Variants in TASP1 observed in about 807,000 individuals in gnomAD.
TASP1 encodes the protein taspase 1, also known as threonine aspartase 1.
In TASP1, 16 loss-of-function variants were observed where a neutral mutation model predicts 56.6. The ratio of observed to expected loss-of-function variants is 0.28; its 90% confidence interval spans 0.19 to 0.43. The LOEUF (loss-of-function observed/expected upper bound fraction) is 0.43. Among genes scored for constraint, TASP1 ranks in the 20% least tolerant of loss-of-function variants. The pLI, the probability that TASP1 is intolerant of heterozygous loss-of-function variation, is 1.00. For synonymous variants in TASP1, 179 were observed against 184.2 expected (o/e 0.97, Z 0.23); for missense variants, 393 against 511.6 (o/e 0.77, Z 2.24).
chr20:13,513,279 C>A lies in TASP1; in HGVS notation c.874+15154G>T, dbSNP rs1189044374. 3.9e-5 allele frequency among the ~76,000 whole-genome samples: 6 copies of A among 152,068 alleles called. No homozygotes were observed. The South Asian group carries it at 6.2e-4, about 16-fold the overall frequency. On this transcript the variant is annotated intron_variant, in intron 10 of 13. Coordinates refer to ENST00000337743, the MANE Select transcript of TASP1 (RefSeq NM_017714.3). Reference sequence around the variant, plus strand: ...TATATCTTTAAGCCAATAGTCTCGTCCTCAAGGAGCTCCTAGGCTTTCTGG... The same window carrying A: ...TATATCTTTAAGCCAATAGTCTCGTACTCAAGGAGCTCCTAGGCTTTCTGG...
chr20:13,632,557 C>T (rs1483422418), intron 1 of TASP1, among the ~76,000 whole-genome samples: 1 of 152,032 alleles, frequency 6.6e-6, no homozygotes, highest in African/African-American at 2.4e-5. Flanking sequence ...GAGCAATCTA[C>T]TCTCCCTCAG....
intron 11 of TASP1, among the ~76,000 whole-genome samples, chr20:13,438,306 G>T (rs1266273327): frequency 6.6e-6 from 1 of 152,208 alleles, no homozygotes; most frequent in African/African-American, 2.4e-5. Flanking sequence ...CCAAAACAGA[G>T]ATATAGACCA....
intron 4 of TASP1, among the ~76,000 whole-genome samples, chr20:13,592,488 A>C (rs543557636): frequency 3.7e-4 from 57 of 152,268 alleles, no homozygotes; most frequent in African/African-American, 1.3e-3. Flanking sequence ...ACTGTACTTA[A>C]TTATAAGAGC....
the TASP1 span, among the ~76,000 whole-genome samples, chr20:13,329,617 C>G: frequency 6.6e-6 from 1 of 152,018 alleles, no homozygotes; most frequent in Non-Finnish European, 1.5e-5. Flanking sequence ...TTTGTGTTTA[C>G]TTTGTATCCT....
At chr20:13,540,194 A>C (rs775301231) in intron 8 of TASP1, among the ~76,000 whole-genome samples, 13 of 152,206 alleles carry the variant, frequency 8.5e-5, no homozygotes, top group Non-Finnish European at 1.8e-4. Flanking sequence ...TAGGTCATTA[A>C]ACTGCATTCA....
chr20:13,182,245 A>G, the TASP1 span, among the ~76,000 whole-genome samples: 2 of 152,178 alleles, frequency 1.3e-5, no homozygotes, highest in Admixed American at 6.5e-5. Context: ...CATGTAATCA[A>G]ATATATAGAT....
chr20:13,221,219 A>ACTACTCCTCCTCCTCCTC, the TASP1 span, among the ~76,000 whole-genome samples: 6 of 82,772 alleles, frequency 7.2e-5, no homozygotes, highest in East Asian at 3.5e-4. Context: ...AAGCCCTCCT[A>ACTACTCCTCCTCCTCCTC]CTCCTCCTCC....
At chr20:13,527,323 C>T (rs2045020345) in intron 10 of TASP1, among the ~76,000 whole-genome samples, 1 of 151,900 alleles carries the variant, frequency 6.6e-6, no homozygotes, top group Non-Finnish European at 1.5e-5. Flanking sequence ...GGGGCAGAAA[C>T]CAATGTGATA....
chr20:13,278,761 T>C, the TASP1 span, among the ~76,000 whole-genome samples: 3 of 152,200 alleles, frequency 2.0e-5, no homozygotes, highest in African/African-American at 7.2e-5. Flanking sequence ...CTCTGCTCCA[T>C]GTGATGTTGG....
intron 11 of TASP1, 124 bp from the exon 12 acceptor site, chr20:13,435,278 C>G: frequency 1.4e-6 from 1 of 722,794 alleles, no homozygotes; most frequent in Middle Eastern, 2.6e-4. Context: ...TGATAATCAC[C>G]ATTGTTCATA....
At chr20:13,351,506 G>A in the TASP1 span, among the ~76,000 whole-genome samples, 19 of 152,154 alleles carry the variant, frequency 1.2e-4, no homozygotes, top group African/African-American at 4.6e-4. Flanking sequence ...GATCTTAAAG[G>A]CATTCGCTGC....
At chr20:13,590,332 A>G (rs2047476601) in intron 4 of TASP1, among the ~76,000 whole-genome samples, 1 of 152,244 alleles carries the variant, frequency 6.6e-6, no homozygotes, top group African/African-American at 2.4e-5. Context: ...AAGGATGGCT[A>G]TAATCATACA....
At chr20:13,241,446 T>C in the TASP1 span, among the ~76,000 whole-genome samples, 1 of 151,446 alleles carries the variant, frequency 6.6e-6, no homozygotes, top group African/African-American at 2.4e-5. Context: ...AGAGGAGAAA[T>C]GAGGAGTGAA....
chr20:13,254,969 C>T, the TASP1 span, among the ~76,000 whole-genome samples: 2 of 152,216 alleles, frequency 1.3e-5, no homozygotes, highest in Admixed American at 6.5e-5. Context: ...GGGCTCTAGG[C>T]CAAGTGCTGA....
chr20:13,423,547 G>A (rs1476295045), intron 12 of TASP1, among the ~76,000 whole-genome samples: 1 of 152,158 alleles, frequency 6.6e-6, no homozygotes, highest in Non-Finnish European at 1.5e-5. Context: ...GTAAGGTGGA[G>A]AATAATGTAT....
intron 2 of TASP1, among the ~76,000 whole-genome samples, chr20:13,627,688 A>G (rs1470506212): frequency 6.8e-6 from 1 of 147,956 alleles, no homozygotes; most frequent in Non-Finnish European, 1.5e-5. Context: ...GAGTGAGCCA[A>G]GATCACACCA....
chr20:13,571,262 T>C (rs2046703182), intron 6 of TASP1, among the ~76,000 whole-genome samples: 1 of 152,186 alleles, frequency 6.6e-6, no homozygotes, highest in Admixed American at 6.5e-5. Context: ...AAAAGTATTG[T>C]ATAGTAGGTC....
the TASP1 span, among the ~76,000 whole-genome samples, chr20:13,311,243 T>TGATAGATAGATA: frequency 7.0e-4 from 89 of 127,918 alleles, no homozygotes; most frequent in South Asian, 1.1e-3. Flanking sequence ...GATAGATAGA[T>TGATAGATAGATA]GATAGATAGA....
the TASP1 span, among the ~76,000 whole-genome samples, chr20:13,264,884 A>G: frequency 1.3e-5 from 2 of 152,100 alleles, no homozygotes; most frequent in Admixed American, 1.3e-4. Flanking sequence ...AGCTGATGAG[A>G]ATGAGGAAGG....
Sources: gnomAD v4.1 joint callset for allele counts (sites outside exome capture counted in the v4.1 genomes callset) on GRCh38, gnomAD v4.1.1 for gene constraint, MANE v1.5 for transcripts, NCBI Gene and HGNC (gene_info 2026-07-23, HGNC 2026-07-21) for gene names.